CPZ: variants seen among roughly 807,000 people sequenced by gnomAD.
CPZ encodes the protein VEZT/CPZ fusion.
CPZ carries 103 observed loss-of-function variants against 61.8 expected under a neutral mutation model. The ratio of observed to expected loss-of-function variants is 1.67; its 90% CI spans 1.42 to 1.96. CPZ has a LOEUF of 1.96. Among genes scored for constraint, CPZ ranks in the 30% most tolerant of loss-of-function variants. CPZ has a pLI of 0.00. For synonymous variants in CPZ, 551 were observed against 373.7 expected, an observed-to-expected ratio of 1.47 and a Z score of -5.47; for missense variants, 1,461 against 914.9, an observed-to-expected ratio of 1.60 and a Z score of -7.70.
intron 8 of CPZ, among the ~76,000 whole-genome samples, chr4:8,613,799 G>A (rs988207085): frequency 1.3e-5 from 2 of 152,200 alleles, no homozygotes; most frequent in Admixed American, 1.3e-4. Flanking sequence ...CCTAGCCTGG[G>A]CCCGTGGTCT....
intron 2 of CPZ, 34 bp downstream of exon 2, chr4:8,599,519 G>A (rs1355602495): frequency 5.6e-6 from 9 of 1,612,210 alleles, no homozygotes; most frequent in East Asian, 2.2e-5. Context: ...CTTCTGTTCT[G>A]TAGGAGGGCT....
In CPZ at chr4:8,607,392, G is replaced by A. The variant is rs1715127210; in HGVS notation, c.1194G>A (p.Glu398=). 4 of 1,614,096 alleles carry A rather than the reference G, an allele frequency of 2.5e-6. No homozygotes were observed. Among genetic ancestry groups the A allele is most frequent in the East Asian group, 4.5e-5 (2 of 44,876 alleles). ...TCGACTTCTCCAAGCACCCCCAGGA[G>A]GAGAAGATGTTTTCTCCCACGCCCG... ...YPFDFSKHPQ[E]EKMFSPTPDE... is the part of the protein sequence containing the mutation. Residue 398 remains glutamate (E), a synonymous_variant, in exon 7 of 11, where the codon GAG becomes GAA. Coordinates refer to ENST00000360986, the MANE Select transcript of CPZ (RefSeq NM_001014447.3).
intron 7 of CPZ, among the ~76,000 whole-genome samples, chr4:8,607,770 A>G (rs1370647535): frequency 2.6e-5 from 4 of 151,996 alleles, no homozygotes; most frequent in Non-Finnish European, 5.9e-5. Flanking sequence ...TTCCCACCGC[A>G]GAGGGGTGCG....
At chr4:8,612,306 A>G in intron 8 of CPZ, 144 bp downstream of exon 8, 1 of 715,542 alleles carries the variant, frequency 1.4e-6, no homozygotes, top group Non-Finnish European at 2.2e-6. Context: ...CCTGGTGGAG[A>G]GGAGGCTGGC....
intron 7 of CPZ, among the ~76,000 whole-genome samples, chr4:8,607,861 T>G (rs1355192801): frequency 6.6e-6 from 1 of 152,132 alleles, no homozygotes; most frequent in African/African-American, 2.4e-5. Context: ...TCGTGCTTGC[T>G]TCTCACGTGC....
chr4:8,606,866 A>G lies in CPZ; in HGVS notation c.1036A>G (p.Ile346Val), dbSNP rs768163436. 3.7e-5 allele frequency: 60 copies of G among 1,612,968 alleles called. No individual in the cohort carries two copies. Among genetic ancestry groups the G allele is most frequent in the Non-Finnish European group, 4.9e-5 (58 of 1,179,714 alleles). Residue 346 changes from isoleucine to valine, a missense_variant, in exon 6 of 11, where the codon ATC becomes GTC. Coordinates refer to ENST00000360986, the MANE Select transcript of CPZ (RefSeq NM_001014447.3). ...AETRGARSDH[I>V]PIPQHYWWGK... Reference sequence around the variant, plus strand: ...GACCCGCGGCGCACGCAGCGACCACATCCCCATCCCCCAGCACTACTGGTG... The same window carrying G: ...GACCCGCGGCGCACGCAGCGACCACGTCCCCATCCCCCAGCACTACTGGTG...
intron 7 of CPZ, among the ~76,000 whole-genome samples, chr4:8,610,187 A>T (rs1469655250): frequency 6.6e-6 from 1 of 152,184 alleles, no homozygotes; most frequent in Non-Finnish European, 1.5e-5. Flanking sequence ...GTCCCCATTC[A>T]GTCCCAGCTT....
rs2109343220 is a variant in CPZ, at chr4:8,614,356, C to T, written c.1364-3C>T. ...TGACGTCCCCGCTGTCTCTGTGCCA[C>T]AGGCATGTCCGATTTCAACTACCTG... is the stretch of plus-strand genomic sequence containing the variant. On this transcript the variant is annotated splice_polypyrimidine_tract_variant and splice_region_variant and intron_variant, in intron 8 of 10. Transcript: ENST00000360986. 53 of 1,612,582 alleles carry T rather than the reference C, an allele frequency of 3.3e-5. 1 individual carries two copies. The highest frequency in any genetic ancestry group is 4.5e-5 in the Non-Finnish European group (53 of 1,179,284).
At position 8,604,116 on chromosome 4, in the gene CPZ, A is replaced by G; in HGVS notation, c.637A>G (p.Ile213Val). 1.2e-6 allele frequency: 2 copies of G among 1,602,518 alleles called. No individual in the cohort carries two copies. The highest frequency in any genetic ancestry group is 1.1e-5 in the South Asian group (1 of 89,596). Residue 213 changes from isoleucine (I) to valine (V), a missense_variant, in exon 4 of 11, where the codon ATC (isoleucine) becomes GTC (valine). By Grantham distance (29) the Ile-to-Val change is conservative (BLOSUM62 3). Coordinates refer to ENST00000360986, the MANE Select transcript of CPZ (RefSeq NM_001014447.3). ...CGCCCACGTGGCCAGGACCTACAGC[A>G]TCGGGCGCAGCTTCGACGGCAGGGA... ...RCAHVARTYS[I>V]GRSFDGRELL...
chr4:8,614,247 C>A, intron 8 of CPZ, 112 bp from the exon 9 acceptor site: 1 of 1,424,056 alleles, frequency 7.0e-7, no homozygotes. Context: ...GCTGTCTCTG[C>A]GCGGCTGACA....
chr4:8,601,625 G>A lies in CPZ; in HGVS notation c.496+128G>A, dbSNP rs577076104. 2.4e-4 allele frequency: 255 copies of A among 1,060,476 alleles called. 2 individuals carry two copies. In the African/African-American group the frequency reaches 3.8e-3, roughly 16 times the overall value. 65.7% of individuals were successfully genotyped at this position (1,060,476 alleles called of 1,614,324 possible). A position where few individuals can be genotyped will look rare whatever the true frequency, so the allele number is the denominator to read the frequency against. On this transcript the variant is annotated intron_variant, in intron 3 of 10. Coordinates refer to ENST00000360986, the MANE Select transcript of CPZ (RefSeq NM_001014447.3). ...GACGGTGCAGGCATTGGTAGAGGGCGGGGCTGCTCCCCGAGGCAGCATGTT... is the reference window on the plus strand; with the variant it reads ...GACGGTGCAGGCATTGGTAGAGGGCAGGGCTGCTCCCCGAGGCAGCATGTT...
chr4:8,607,299 G>C lies in CPZ; in HGVS notation c.1101G>C (p.Trp367Cys). 1 of 1,614,106 alleles carries C rather than the reference G, an allele frequency of 6.2e-7. No individual in the cohort carries two copies. Among genetic ancestry groups the C allele is most frequent in the African/African-American group, 1.3e-5 (1 of 75,044 alleles). ...VAPETKAIMK[W>C]MQTIPFVLSA... The stretch of plus-strand genomic sequence containing the variant: ...CGGAGACAAAGGCAATCATGAAGTG[G>C]ATGCAGACCATACCCTTTGTGCTCT... Residue 367 changes from tryptophan to cysteine, a missense_variant, in exon 7 of 11, where the codon TGG becomes TGC. By Grantham distance (215) the Trp-to-Cys change is radical (BLOSUM62 -2). Transcript: ENST00000360986.
chr4:8,616,184 G>A (rs532332903), intron 9 of CPZ, among the ~76,000 whole-genome samples: 7 of 152,316 alleles, frequency 4.6e-5, no homozygotes, highest in Admixed American at 2.0e-4. Flanking sequence ...ACCTGGGCGC[G>A]GGCTCCTGAT....
At position 8,592,922 on chromosome 4, in the gene CPZ, G is replaced by A. The variant is rs1225650378; in HGVS notation, c.88+1G>A. 1.3e-6 allele frequency: 2 copies of A among 1,534,780 alleles called. No homozygotes were observed. The highest frequency in any genetic ancestry group is 1.7e-4 in the Middle Eastern group (1 of 5,852). On this transcript the variant is annotated splice_donor_variant, in intron 1 of 10. Transcript: ENST00000360986. LOFTEE classifies it high-confidence loss of function. ...TGCGAGTTTGAGCGGAACCCCGCCG[G>A]TAAGGCCGTCCCCTGCCCCCACCCT...
chr4:8,606,175 C>G lies in CPZ; in HGVS notation c.896C>G (p.Ala299Gly). The change falls in exon 5 of 11, where the codon GCA (alanine) becomes GGA (glycine). Residue 299 changes from alanine (A) to glycine (G), a missense_variant. Ala to Gly is a moderately conservative substitution (Grantham distance 60). Coordinates refer to ENST00000360986, the MANE Select transcript of CPZ (RefSeq NM_001014447.3). ...ATGAACCCTGACGGCTATGAGGTGGCAGCTGCCGAGGTGAGCGCCCAGATG... is the reference window on the plus strand; with the variant it reads ...ATGAACCCTGACGGCTATGAGGTGGGAGCTGCCGAGGTGAGCGCCCAGATG... ...PSMNPDGYEV[A>G]AAEGAGYNGW... The G allele has an allele frequency of 6.2e-7, 1 of 1,613,640 alleles. No homozygotes were observed. Among genetic ancestry groups the G allele is most frequent in the Non-Finnish European group, 8.5e-7 (1 of 1,179,828 alleles).
chr4:8,593,349 C>G (rs1032066476), intron 1 of CPZ, among the ~76,000 whole-genome samples: 6 of 152,202 alleles, frequency 3.9e-5, no homozygotes, highest in Non-Finnish European at 8.8e-5. Flanking sequence ...ACCCCTCCCT[C>G]CCAGCTGGGG....
intron 8 of CPZ, among the ~76,000 whole-genome samples, chr4:8,613,038 C>T (rs1403239888): frequency 6.6e-6 from 1 of 152,220 alleles, no homozygotes; most frequent in Non-Finnish European, 1.5e-5. Context: ...CCTTCCAGAA[C>T]CCAGGCAGAG....
chr4:8,611,087 T>TTCACTCACTCACTCACTCAC (rs61069089), intron 7 of CPZ: 5 of 391,586 alleles, frequency 1.3e-5, no homozygotes, highest in African/African-American at 6.3e-5. Flanking sequence ...CATTCGCTCA[T>TTCACTCACTCACTCACTCAC]TCACTCACTC....
chr4:8,601,039 C>A, intron 2 of CPZ, 84 bp from the exon 3 acceptor site: 5 of 1,474,134 alleles, frequency 3.4e-6, no homozygotes, highest in Non-Finnish European at 4.5e-6. Flanking sequence ...CCTGGCCCTG[C>A]GTGGGGTCCC....
Sources: gnomAD v4.1 joint callset for allele counts (sites outside exome capture counted in the v4.1 genomes callset) on GRCh38, gnomAD v4.1.1 for gene constraint, MANE v1.5 for transcripts, NCBI Gene and HGNC (gene_info 2026-07-23, HGNC 2026-07-21) for gene names.